EML4: variants seen among roughly 807,000 people sequenced by gnomAD.
The protein encoded by EML4 is echinoderm microtubule-associated protein-like 4.
A neutral mutation model predicts 129.0 loss-of-function variants in EML4; 72 were observed. That is an observed-to-expected ratio of 0.56 (90% CI 0.46 to 0.68). EML4 has a LOEUF of 0.68. Among genes scored for constraint, EML4 ranks in the 30% least tolerant of loss-of-function variants. EML4 has a pLI of 0.00. For missense variants in EML4, 1,363 were observed against 1,190.6 expected, an observed-to-expected ratio of 1.14 and a Z score of -2.13; for synonymous variants, 532 against 405.0, an observed-to-expected ratio of 1.31 and a Z score of -3.77.
intron 6 of EML4, among the ~76,000 whole-genome samples, chr2:42,270,089 G>C (rs1273928628): frequency 6.6e-6 from 1 of 152,162 alleles, no homozygotes; most frequent in African/African-American, 2.4e-5. Flanking sequence ...AATTTTTCCT[G>C]TTACCCTGAG....
chr2:42,271,132 G>C (rs569697183), intron 6 of EML4, among the ~76,000 whole-genome samples: 1 of 152,246 alleles, frequency 6.6e-6, no homozygotes, highest in South Asian at 2.1e-4. Flanking sequence ...GGGCTCAAGT[G>C]ATCCGTCTGC....
intron 1 of EML4, among the ~76,000 whole-genome samples, chr2:42,184,668 C>G (rs780053535): frequency 7.2e-5 from 11 of 152,006 alleles, no homozygotes; most frequent in Non-Finnish European, 1.5e-4. Flanking sequence ...CCTGTTTATC[C>G]AAAGTAGTTT....
At chr2:42,238,933 C>G (rs1195595208) in intron 1 of EML4, among the ~76,000 whole-genome samples, 2 of 151,976 alleles carry the variant, frequency 1.3e-5, no homozygotes, top group East Asian at 1.9e-4. Context: ...GCTGCCACCC[C>G]CTGGCTAATT....
intron 19 of EML4, among the ~76,000 whole-genome samples, chr2:42,324,678 T>G (rs1196953286): frequency 6.6e-5 from 10 of 152,236 alleles, no homozygotes; most frequent in African/African-American, 1.9e-4. Flanking sequence ...GACCACAGAC[T>G]GTAGGAGGTA....
Position 42,261,027 on chromosome 2 carries a change from G to C in EML4, c.339-94G>C, listed in dbSNP as rs745398305. ...CAAATTGTATTAGCTGTATGACTTAGGGTTTTGAATTATATAATAATCACT... is the reference window on the plus strand; with the variant it reads ...CAAATTGTATTAGCTGTATGACTTACGGTTTTGAATTATATAATAATCACT... On this transcript the variant is annotated intron_variant, in intron 3 of 22. Coordinates refer to ENST00000318522, the MANE Select transcript of EML4 (RefSeq NM_019063.5). 1.6e-4 allele frequency: 145 copies of C among 930,204 alleles called. 1 individual carries two copies. The East Asian group carries it at 2.5e-3, about 16-fold the overall frequency. The allele number at this position is 930,204 out of a possible 1,614,324, so 57.6% of individuals were successfully genotyped here. A position where few individuals can be genotyped will look rare whatever the true frequency, so the allele number is the denominator to read the frequency against.
intron 1 of EML4, among the ~76,000 whole-genome samples, chr2:42,180,117 G>T (rs1013540247): frequency 6.6e-6 from 1 of 152,118 alleles, no homozygotes; most frequent in African/African-American, 2.4e-5. Context: ...TAAAAAAATT[G>T]TATGAACTTT....
At position 42,303,209 on chromosome 2, in the gene EML4, G is replaced by A; in HGVS notation, c.1747G>A (p.Gly583Ser). 6.2e-7 allele frequency: 1 copy of A among 1,614,108 alleles called. No individual in the cohort carries two copies. The highest frequency in any genetic ancestry group is 8.5e-7 in the Non-Finnish European group (1 of 1,180,014). Residue 583 changes from glycine to serine, a missense_variant, in exon 15 of 23, where the codon GGC (glycine) becomes AGC (serine). Transcript: ENST00000318522. Reference protein sequence around the residue: ...NFILRGTFNDGFQIEVQGHTD... With the variant: ...NFILRGTFNDSFQIEVQGHTD... The stretch of plus-strand genomic sequence containing the variant: ...TATTTTACGAGGAACATTTAATGAT[G>A]GCTTCCAAATAGAAGTACAGGTAAG...
chr2:42,213,035 T>C (rs1572553778), intron 1 of EML4, among the ~76,000 whole-genome samples: 2 of 152,336 alleles, frequency 1.3e-5, no homozygotes, highest in South Asian at 4.1e-4. Context: ...ATGAGCATAT[T>C]AGTGTAACAT....
At chr2:42,285,498 T>C (rs6544531) in intron 9 of EML4, among the ~76,000 whole-genome samples, 94,053 of 151,840 alleles carry the variant, frequency 0.62, 29,830 homozygotes, top group East Asian at 0.75. Context: ...ATTGATAAAA[T>C]GTGTTATTTT....
chr2:42,243,595 T>G (rs527653255), intron 1 of EML4, among the ~76,000 whole-genome samples: 2 of 152,214 alleles, frequency 1.3e-5, no homozygotes, highest in Non-Finnish European at 2.9e-5. Context: ...CTAGTTAATA[T>G]GGAACCAGAA....
At chr2:42,289,143 G>A (rs1330388379) in intron 11 of EML4, 1 of 152,158 alleles carries the variant, frequency 6.6e-6, no homozygotes, top group Non-Finnish European at 1.5e-5. Flanking sequence ...AGGAATATAA[G>A]TTGTCAGAAA....
At chr2:42,224,739 G>T (rs1673842788) in intron 1 of EML4, among the ~76,000 whole-genome samples, 1 of 151,942 alleles carries the variant, frequency 6.6e-6, no homozygotes, top group South Asian at 2.1e-4. Flanking sequence ...CCATCCTGAT[G>T]GTGTGAAGTG....
intron 6 of EML4, among the ~76,000 whole-genome samples, chr2:42,276,667 G>A (rs892179799): frequency 4.6e-5 from 7 of 152,178 alleles, no homozygotes; most frequent in African/African-American, 1.7e-4. Flanking sequence ...ACAGTGTGAT[G>A]TCTTATTTAA....
intron 1 of EML4, among the ~76,000 whole-genome samples, chr2:42,222,861 C>T (rs906614735): frequency 2.6e-5 from 4 of 152,030 alleles, no homozygotes; most frequent in African/African-American, 7.2e-5. Context: ...TGCAATGGTG[C>T]AATCTCGGCT....
At position 42,245,090 on chromosome 2, in the gene EML4, C is replaced by CTT. The variant is rs960416568; in HGVS notation, c.26-413_26-412dup. Among the ~76,000 whole-genome samples the CTT allele has an allele frequency of 4.1e-4, 6 of 14,492 alleles. No homozygotes were observed. In the East Asian group the frequency reaches 6.5e-3, roughly 16 times the overall value. The allele number at this position is 14,492 out of a possible 152,430, so 9.5% of individuals were successfully genotyped here. A position where few individuals can be genotyped will look rare whatever the true frequency, so the allele number is the denominator to read the frequency against. On this transcript the variant is annotated intron_variant, in intron 1 of 22. Transcript: ENST00000318522. ...ATGGAGTTTTTTGTTTTGAAATTTT[C>CTT]TTTCTTTTTTTTTTTTTTTTTTGAG...
chr2:42,225,676 G>A (rs1053515155), intron 1 of EML4, among the ~76,000 whole-genome samples: 4 of 152,090 alleles, frequency 2.6e-5, no homozygotes, highest in African/African-American at 4.8e-5. Flanking sequence ...ATTGGCATGT[G>A]CCTAATTACT....
At chr2:42,264,936 G>C (rs555563701) in intron 6 of EML4, 1 of 1,549,784 alleles carries the variant, frequency 6.5e-7, no homozygotes, top group African/African-American at 1.4e-5. Flanking sequence ...GTCAACTCGC[G>C]AAAAAAACAG....
intron 19 of EML4, among the ~76,000 whole-genome samples, chr2:42,320,173 C>G (rs1034265280): frequency 1.3e-5 from 2 of 152,010 alleles, no homozygotes; most frequent in East Asian, 3.8e-4. Flanking sequence ...TCATTATAGT[C>G]CAGGGCCTTG....
At chr2:42,250,434 G>T (rs1282082087) in intron 2 of EML4, among the ~76,000 whole-genome samples, 2 of 152,178 alleles carry the variant, frequency 1.3e-5, no homozygotes, top group Admixed American at 1.3e-4. Flanking sequence ...ATCAGCTTAG[G>T]AAGGTATGAA....
Sources: allele counts gnomAD v4.1 joint callset (sites outside exome capture counted in the v4.1 genomes callset), GRCh38; gene constraint gnomAD v4.1.1; transcripts MANE v1.5; gene names NCBI Gene and HGNC (gene_info 2026-07-23, HGNC 2026-07-21).